The following AGBL4 variants were observed in gnomAD, a reference collection of about 807,000 sequenced individuals.
AGBL4 encodes the protein cytosolic carboxypeptidase 6.
In AGBL4, 58 loss-of-function variants were observed where a neutral mutation model predicts 66.4. That is an observed-to-expected ratio of 0.87 (90% CI 0.71 to 1.09). The LOEUF is 1.09. AGBL4 is among the 50% of genes least tolerant of loss of function. The pLI, the probability that AGBL4 is intolerant of heterozygous loss-of-function variation, is 0.00. For synonymous variants in AGBL4, 234 were observed against 222.9 expected (o/e 1.05, Z -0.44); for missense variants, 579 against 631.0 (o/e 0.92, Z 0.88).
At chr1:48,792,585 G>C (rs571948821) in intron 6 of AGBL4, among the ~76,000 whole-genome samples, 303 of 152,258 alleles carry the variant, frequency 2.0e-3, no homozygotes, top group African/African-American at 6.8e-3. Flanking sequence ...AGTAGAAGTA[G>C]TTTGTCCAAG....
intron 5 of AGBL4, among the ~76,000 whole-genome samples, chr1:48,994,451 A>G (rs1226755676): frequency 6.6e-6 from 1 of 152,198 alleles, no homozygotes; most frequent in African/African-American, 2.4e-5. Flanking sequence ...ATTAATATAT[A>G]CATATGCACA....
At chr1:49,191,178 T>C (rs1284555607) in intron 4 of AGBL4, among the ~76,000 whole-genome samples, 2 of 152,194 alleles carry the variant, frequency 1.3e-5, no homozygotes, top group African/African-American at 4.8e-5. Context: ...GAAGGTCCTG[T>C]ACATTAAGGG....
At chr1:49,461,136 G>A (rs1164701540) in intron 3 of AGBL4, among the ~76,000 whole-genome samples, 3 of 151,630 alleles carry the variant, frequency 2.0e-5, no homozygotes, top group Non-Finnish European at 4.4e-5. Flanking sequence ...GTATTTGGAT[G>A]TCTAGATCTC....
rs144118889 is a variant in AGBL4, at chr1:48,683,828, C to CA, written c.635-20588dup. On this transcript the variant is annotated intron_variant, in intron 6 of 13. Transcript: ENST00000371839. ...ACCTACCAGTCAACAGCTGACTTGT[C>CA]AAAACCACACTGAATGTAATTACTT... Among the ~76,000 whole-genome samples, 863 of 152,300 alleles carry CA rather than the reference C, an allele frequency of 5.7e-3. 10 individuals carry two copies. The highest frequency in any genetic ancestry group is 0.02 in the African/African-American group (826 of 41,564).
intron 3 of AGBL4, among the ~76,000 whole-genome samples, chr1:49,282,657 G>C (rs1241774999): frequency 1.3e-5 from 2 of 152,196 alleles, no homozygotes; most frequent in African/African-American, 4.8e-5. Context: ...CAGGTCAGTA[G>C]GTGCTCGCAC....
intron 3 of AGBL4, among the ~76,000 whole-genome samples, chr1:49,392,528 G>A (rs949910623): frequency 6.6e-6 from 1 of 152,188 alleles, no homozygotes; most frequent in Non-Finnish European, 1.5e-5. Flanking sequence ...GCACAGGCCA[G>A]GCAATGACAA....
At chr1:49,347,455 G>A (rs1486847404) in intron 3 of AGBL4, among the ~76,000 whole-genome samples, 1 of 151,722 alleles carries the variant, frequency 6.6e-6, no homozygotes, top group East Asian at 2.0e-4. Context: ...GTTTCACCGT[G>A]TTGGCCAGGA....
At chr1:49,806,107 A>G (rs1331351893) in intron 2 of AGBL4, among the ~76,000 whole-genome samples, 1 of 152,162 alleles carries the variant, frequency 6.6e-6, no homozygotes, top group Non-Finnish European at 1.5e-5. Flanking sequence ...ACATTCCTAT[A>G]AACAGACTGT....
At chr1:49,215,536 G>GC (rs918735451) in intron 4 of AGBL4, among the ~76,000 whole-genome samples, 11 of 152,016 alleles carry the variant, frequency 7.2e-5, no homozygotes, top group African/African-American at 2.7e-4. Flanking sequence ...GTTCACTTCT[G>GC]TTTTTTCTCA....
At chr1:49,723,806 A>T (rs970816158) in intron 2 of AGBL4, among the ~76,000 whole-genome samples, 1 of 152,120 alleles carries the variant, frequency 6.6e-6, no homozygotes, top group Non-Finnish European at 1.5e-5. Flanking sequence ...TCACCAACCC[A>T]TGTAACTTTG....
At chr1:48,668,655 C>T (rs998560444) in intron 6 of AGBL4, among the ~76,000 whole-genome samples, 1 of 152,218 alleles carries the variant, frequency 6.6e-6, no homozygotes, top group Non-Finnish European at 1.5e-5. Flanking sequence ...GATGCACCTC[C>T]TCTAAGAAGG....
intron 3 of AGBL4, among the ~76,000 whole-genome samples, chr1:49,372,594 C>CTCTTCT (rs1644369858): frequency 6.7e-6 from 1 of 150,116 alleles, no homozygotes; most frequent in Non-Finnish European, 1.5e-5. Flanking sequence ...TTCTTTCTTT[C>CTCTTCT]TTTTCTTTTT....
intron 3 of AGBL4, among the ~76,000 whole-genome samples, chr1:49,552,230 T>A (rs1653014199): frequency 6.6e-6 from 1 of 152,104 alleles, no homozygotes; most frequent in Non-Finnish European, 1.5e-5. Context: ...GCTACCTGTC[T>A]CCTAGCTGAG....
intron 3 of AGBL4, among the ~76,000 whole-genome samples, chr1:49,540,566 T>A (rs1260374400): frequency 6.6e-6 from 1 of 152,200 alleles, no homozygotes; most frequent in East Asian, 1.9e-4. Context: ...GCTTAATAAA[T>A]GTTTGTTAAA....
At chr1:49,073,130 T>C (rs1037751734) in intron 4 of AGBL4, among the ~76,000 whole-genome samples, 26 of 152,218 alleles carry the variant, frequency 1.7e-4, no homozygotes, top group Non-Finnish European at 2.1e-4. Flanking sequence ...CTGGTTATTC[T>C]AGTTAGCAAT....
chr1:49,942,606 G>T (rs1216164105), intron 1 of AGBL4, among the ~76,000 whole-genome samples: 8 of 152,262 alleles, frequency 5.3e-5, no homozygotes, highest in African/African-American at 1.9e-4. Context: ...TCAATAAATA[G>T]TGTTGGAAAG....
chr1:49,845,451 C>T (rs1297621566), intron 2 of AGBL4: 1 of 1,493,756 alleles, frequency 6.7e-7, no homozygotes, highest in African/African-American at 1.4e-5. Context: ...AGCAAAGCAT[C>T]CACCTCACCC....
chr1:49,361,601 C>G (rs1043030886), intron 3 of AGBL4, among the ~76,000 whole-genome samples: 1 of 152,220 alleles, frequency 6.6e-6, no homozygotes, highest in African/African-American at 2.4e-5. Context: ...GCTGGCATTA[C>G]AGGCATGAGC....
At chr1:49,428,957 A>G (rs1356728612) in intron 3 of AGBL4, among the ~76,000 whole-genome samples, 2 of 152,240 alleles carry the variant, frequency 1.3e-5, no homozygotes, top group Non-Finnish European at 2.9e-5. Flanking sequence ...GGCCAAAGAA[A>G]TTTTTATAAT....
Sources: gnomAD v4.1 joint callset for allele counts (sites outside exome capture counted in the v4.1 genomes callset) on GRCh38, gnomAD v4.1.1 for gene constraint, MANE v1.5 for transcripts, NCBI Gene and HGNC (gene_info 2026-07-23, HGNC 2026-07-21) for gene names.